The following LURAP1L variants were observed in gnomAD, a reference collection of about 807,000 sequenced individuals.
LURAP1L encodes the protein leucine rich adaptor protein 1 like, also known as leucine rich adaptor protein 1-like.
In LURAP1L, 12 loss-of-function variants were observed where a neutral mutation model predicts 13.8. The ratio of observed to expected loss-of-function variants is 0.87; its 90% CI spans 0.56 to 1.41. The LOEUF (loss-of-function observed/expected upper bound fraction) is 1.41. Ranked by LOEUF, LURAP1L falls within the 40% of genes most tolerant of loss-of-function variation. The probability of loss-of-function intolerance (pLI) is 0.00; values close to 1 mark genes in which losing one functional copy is unlikely to be tolerated. For synonymous variants in LURAP1L, 139 were observed against 119.2 expected (o/e 1.17, Z -1.08); for missense variants, 375 against 292.9 (o/e 1.28, Z -2.04).
At chr9:12,787,330 GTA>G (rs768188295) in intron 1 of LURAP1L, among the ~76,000 whole-genome samples, 7 of 151,794 alleles carry the variant, frequency 4.6e-5, no homozygotes, top group African/African-American at 1.5e-4. Context: ...ATTTGTATAG[GTA>G]TATATATATG....
chr9:12,800,573 A>G (rs1156518550), intron 1 of LURAP1L, among the ~76,000 whole-genome samples: 2 of 152,330 alleles, frequency 1.3e-5, no homozygotes, highest in Non-Finnish European at 2.9e-5. Context: ...AAAAGAAAAA[A>G]TCTCTTACTC....
intron 1 of LURAP1L, among the ~76,000 whole-genome samples, chr9:12,804,714 T>C (rs1170596959): frequency 2.0e-5 from 3 of 152,186 alleles, no homozygotes; most frequent in Non-Finnish European, 4.4e-5. Context: ...AACAAGCATA[T>C]GCTTAACGTT....
chr9:12,796,466 T>G (rs1474294684), intron 1 of LURAP1L, among the ~76,000 whole-genome samples: 2 of 152,062 alleles, frequency 1.3e-5, no homozygotes, highest in African/African-American at 2.4e-5. Flanking sequence ...CTGTGTTATT[T>G]TTCTAAACTT....
At position 12,776,045 on chromosome 9, in the gene LURAP1L, GC is replaced by G. The variant is rs759015410; in HGVS notation, c.312+20del. ...AAGAGATGGTGAGTGTGGTGCGCCA[GC>G]CGCGGGGGCTGGGACCTGGGCTGGG... is the stretch of plus-strand genomic sequence containing the variant. On this transcript the variant is annotated intron_variant, in intron 1 of 1. Transcript: ENST00000319264. 3.7e-6 allele frequency: 6 copies of G among 1,612,254 alleles called. No homozygotes were observed. Among genetic ancestry groups the G allele is most frequent in the Non-Finnish European group, 5.1e-6 (6 of 1,179,300 alleles).
intron 1 of LURAP1L, among the ~76,000 whole-genome samples, chr9:12,800,814 A>C (rs1586882235): frequency 1.3e-5 from 2 of 152,236 alleles, no homozygotes; most frequent in Admixed American, 1.3e-4. Flanking sequence ...AGCTGAACAA[A>C]ACTCTTTTAA....
chr9:12,804,862 G>T (rs1275539590), intron 1 of LURAP1L, among the ~76,000 whole-genome samples: 1 of 152,032 alleles, frequency 6.6e-6, no homozygotes, highest in Non-Finnish European at 1.5e-5. Context: ...ATACTTGTCA[G>T]GTTGGGACTC....
chr9:12,798,005 G>T (rs1807734402), intron 1 of LURAP1L, among the ~76,000 whole-genome samples: 1 of 152,076 alleles, frequency 6.6e-6, no homozygotes, highest in African/African-American at 2.4e-5. Context: ...GCTAGTTCAT[G>T]GGGCAAGCAT....
intron 1 of LURAP1L, among the ~76,000 whole-genome samples, chr9:12,799,873 C>CA (rs58987082): frequency 0.2 from 16,092 of 81,616 alleles, 1,455 homozygotes; most frequent in Non-Finnish European, 0.29. Flanking sequence ...GACTCCGTCT[C>CA]AAAAAAAAAA....
At chr9:12,810,676 C>A (rs560231057) in intron 1 of LURAP1L, among the ~76,000 whole-genome samples, 40 of 152,168 alleles carry the variant, frequency 2.6e-4, no homozygotes, top group African/African-American at 9.4e-4. Context: ...TATTAATATT[C>A]CTAAAGCCAT....
At chr9:12,776,147 T>C (rs1479853187) in intron 1 of LURAP1L, 120 bp downstream of exon 1, 23 of 988,496 alleles carry the variant, frequency 2.3e-5, no homozygotes, top group African/African-American at 6.6e-5. Context: ...GCTGGGCGCG[T>C]GGGAAATGCT....
chr9:12,780,507 C>T (rs780050984), intron 1 of LURAP1L, among the ~76,000 whole-genome samples: 3 of 152,170 alleles, frequency 2.0e-5, no homozygotes, highest in Non-Finnish European at 2.9e-5. Context: ...TTTCATTTTA[C>T]AGATAAGGAA....
chr9:12,802,314 G>A (rs1021769527), intron 1 of LURAP1L, among the ~76,000 whole-genome samples: 1 of 152,120 alleles, frequency 6.6e-6, no homozygotes, highest in Non-Finnish European at 1.5e-5. Flanking sequence ...GGTGGAGGTT[G>A]GGCCTGGTGG....
intron 1 of LURAP1L, among the ~76,000 whole-genome samples, chr9:12,820,809 C>G (rs541909320): frequency 3.9e-5 from 6 of 152,126 alleles, no homozygotes; most frequent in African/African-American, 1.4e-4. Context: ...ACTCTTAACT[C>G]TTTTCTATAG....
intron 1 of LURAP1L, among the ~76,000 whole-genome samples, chr9:12,788,741 GA>G (rs1236815707): frequency 6.6e-6 from 1 of 151,840 alleles, no homozygotes; most frequent in Non-Finnish European, 1.5e-5. Context: ...ATCATTGAAT[GA>G]TAAGGGTAGG....
chr9:12,802,267 C>T (rs1293041124), intron 1 of LURAP1L, among the ~76,000 whole-genome samples: 1 of 152,154 alleles, frequency 6.6e-6, no homozygotes, highest in East Asian at 1.9e-4. Context: ...GGATCTGTGT[C>T]CCCACCCAAG....
chr9:12,791,658 T>TTC (rs71329887), intron 1 of LURAP1L, among the ~76,000 whole-genome samples: 1 of 149,168 alleles, frequency 6.7e-6, no homozygotes, highest in Non-Finnish European at 1.5e-5. Flanking sequence ...CTCTCTCTCC[T>TTC]TCTCTCTCTC....
intron 1 of LURAP1L, among the ~76,000 whole-genome samples, chr9:12,797,289 TAA>T (rs933840167): frequency 3.3e-5 from 5 of 151,998 alleles, no homozygotes; most frequent in Non-Finnish European, 5.9e-5. Context: ...GGAACTCTAA[TAA>T]CTACAAAACC....
intron 1 of LURAP1L, among the ~76,000 whole-genome samples, chr9:12,801,503 C>A (rs1235974150): frequency 1.3e-5 from 2 of 151,970 alleles, no homozygotes; most frequent in Non-Finnish European, 2.9e-5. Context: ...GATTCTCAAA[C>A]CATCTATTAC....
At chr9:12,798,750 G>C (rs966437705) in intron 1 of LURAP1L, among the ~76,000 whole-genome samples, 1 of 152,178 alleles carries the variant, frequency 6.6e-6, no homozygotes, top group Non-Finnish European at 1.5e-5. Context: ...AATAGGAATA[G>C]AAATCAGAAA....
Sources: gnomAD v4.1 joint callset for allele counts (sites outside exome capture counted in the v4.1 genomes callset) on GRCh38, gnomAD v4.1.1 for gene constraint, MANE v1.5 for transcripts, NCBI Gene and HGNC (gene_info 2026-07-23, HGNC 2026-07-21) for gene names.